ARHGAP26: variants seen among roughly 807,000 people sequenced by gnomAD.
ARHGAP26 encodes the protein Rho GTPase activating protein 26, also known as rho GTPase-activating protein 26.
A neutral mutation model predicts 104.8 loss-of-function variants in ARHGAP26; 38 were observed. That is an observed-to-expected ratio of 0.36 (90% CI 0.28 to 0.48). The LOEUF is 0.48. ARHGAP26 is among the 20% of genes least tolerant of loss of function. The probability of loss-of-function intolerance (pLI) is 0.99; values close to 1 mark genes in which losing one functional copy is unlikely to be tolerated. For synonymous variants in ARHGAP26, 341 were observed against 340.0 expected, an observed-to-expected ratio of 1.00 and a Z score of -0.03; for missense variants, 704 against 947.9, an observed-to-expected ratio of 0.74 and a Z score of 3.38.
At chr5:143,183,472 G>A (rs1336420896) in intron 20 of ARHGAP26, among the ~76,000 whole-genome samples, 2 of 152,200 alleles carry the variant, frequency 1.3e-5, no homozygotes, top group African/African-American at 2.4e-5. Context: ...TATTCTGGAA[G>A]AACACAAAGC....
At chr5:142,939,676 A>G (rs927367783) in intron 11 of ARHGAP26, among the ~76,000 whole-genome samples, 3 of 152,234 alleles carry the variant, frequency 2.0e-5, no homozygotes, top group Admixed American at 2.0e-4. Context: ...GGTGGTTAAG[A>G]ATGTGCACTC....
chr5:142,817,191 A>G (rs1304080335), intron 1 of ARHGAP26, among the ~76,000 whole-genome samples: 1 of 151,980 alleles, frequency 6.6e-6, no homozygotes, highest in Non-Finnish European at 1.5e-5. Context: ...GAAATCAGGA[A>G]CTCAGGCAGA....
intron 11 of ARHGAP26, among the ~76,000 whole-genome samples, chr5:142,941,316 A>G (rs1766316692): frequency 6.6e-6 from 1 of 152,034 alleles, no homozygotes; most frequent in African/African-American, 2.4e-5. Flanking sequence ...GACTGGTATG[A>G]GATGGTATCT....
At chr5:142,937,148 G>T (rs1765542841) in intron 11 of ARHGAP26, among the ~76,000 whole-genome samples, 1 of 152,036 alleles carries the variant, frequency 6.6e-6, no homozygotes, top group African/African-American at 2.4e-5. Context: ...TTTACATCTA[G>T]TTCTTTTTTA....
chr5:142,959,162 A>G (rs1769787138), intron 11 of ARHGAP26, among the ~76,000 whole-genome samples: 1 of 152,222 alleles, frequency 6.6e-6, no homozygotes, highest in Admixed American at 6.5e-5. Flanking sequence ...CCTTAATTTT[A>G]TGCTCCATTA....
At chr5:143,012,551 A>T (rs1230182134) in intron 11 of ARHGAP26, among the ~76,000 whole-genome samples, 1 of 60,626 alleles carries the variant, frequency 1.6e-5, no homozygotes, top group Non-Finnish European at 4.4e-5. Context: ...ATACATACAT[A>T]CATATATATA....
intron 17 of ARHGAP26, among the ~76,000 whole-genome samples, chr5:143,072,362 C>G (rs1788392422): frequency 6.6e-6 from 1 of 152,160 alleles, no homozygotes; most frequent in Non-Finnish European, 1.5e-5. Context: ...TCTTTAAAAA[C>G]TGAAAATACA....
chr5:142,938,531 A>G (rs901220043), intron 11 of ARHGAP26, among the ~76,000 whole-genome samples: 1 of 152,220 alleles, frequency 6.6e-6, no homozygotes, highest in East Asian at 1.9e-4. Context: ...TCCAATAACT[A>G]AAGTTGTCTC....
intron 11 of ARHGAP26, among the ~76,000 whole-genome samples, chr5:142,964,444 A>G (rs548512178): frequency 6.6e-6 from 1 of 152,304 alleles, no homozygotes; most frequent in African/African-American, 2.4e-5. Flanking sequence ...GGAAACCCTA[A>G]AAATAAGTTA....
At chr5:143,168,802 G>C (rs181433485) in intron 20 of ARHGAP26, 9 of 152,270 alleles carry the variant, frequency 5.9e-5, no homozygotes, top group Admixed American at 1.3e-4. Context: ...GGATTAATAA[G>C]GAGAGGATAT....
intron 11 of ARHGAP26, among the ~76,000 whole-genome samples, chr5:142,962,250 A>G (rs1312013047): frequency 1.3e-5 from 2 of 152,212 alleles, no homozygotes; most frequent in East Asian, 1.9e-4. Context: ...CAAATTTGAA[A>G]TTGTGCTTTC....
At chr5:143,107,352 A>C (rs905704569) in intron 17 of ARHGAP26, among the ~76,000 whole-genome samples, 1 of 152,190 alleles carries the variant, frequency 6.6e-6, no homozygotes, top group Non-Finnish European at 1.5e-5. Flanking sequence ...TCATCTCTGT[A>C]GATTTATATA....
intron 11 of ARHGAP26, among the ~76,000 whole-genome samples, chr5:142,988,509 T>C (rs1049174906): frequency 1.3e-5 from 2 of 152,180 alleles, no homozygotes; most frequent in Non-Finnish European, 2.9e-5. Flanking sequence ...GCTCTGATCT[T>C]AGTTATTTCT....
chr5:142,863,360 G>A (rs987271217), intron 1 of ARHGAP26, among the ~76,000 whole-genome samples: 9 of 152,116 alleles, frequency 5.9e-5, no homozygotes, highest in African/African-American at 2.2e-4. Flanking sequence ...GCCCACCTCG[G>A]CCTCCCAGAG....
intron 20 of ARHGAP26, among the ~76,000 whole-genome samples, chr5:143,178,990 C>T (rs1328976041): frequency 2.6e-5 from 4 of 152,098 alleles, no homozygotes; most frequent in Non-Finnish European, 5.9e-5. Context: ...CTGCTTCAGC[C>T]TCCCAAGTAG....
rs892112726 is a variant in ARHGAP26, at chr5:143,222,944, G to T, written c.*498G>T. 6.0e-5 allele frequency: 14 copies of T among 233,182 alleles called. No homozygotes were observed. The highest frequency in any genetic ancestry group is 1.1e-4 in the Non-Finnish European group (13 of 117,946). 14.4% of individuals were successfully genotyped at this position (233,182 alleles called of 1,614,324 possible). On this transcript the variant is annotated 3_prime_UTR_variant, in exon 23 of 23. Transcript: ENST00000645722. The stretch of plus-strand genomic sequence containing the variant: ...GTACTTGAGACTTAAAGTGCTACAG[G>T]CAGCTGGATCTGTTTGCATGCAGGA...
At chr5:142,913,575 T>C (rs971717246) in intron 10 of ARHGAP26, among the ~76,000 whole-genome samples, 10 of 152,192 alleles carry the variant, frequency 6.6e-5, no homozygotes, top group Admixed American at 2.0e-4. Context: ...ATATTAGTGC[T>C]TTCATGCTCA....
intron 11 of ARHGAP26, among the ~76,000 whole-genome samples, chr5:142,981,842 A>G (rs1773978981): frequency 6.6e-6 from 1 of 152,176 alleles, no homozygotes; most frequent in Non-Finnish European, 1.5e-5. Context: ...TTCAGCACCC[A>G]TTCCTTGCTT....
In ARHGAP26 at chr5:142,894,420, A is replaced by G. The variant is rs1759173153; in HGVS notation, c.597+72A>G. 4 of 1,393,986 alleles carry G rather than the reference A, an allele frequency of 2.9e-6. 1 individual carries two copies. The highest frequency in any genetic ancestry group is 2.4e-5 in the South Asian group (2 of 81,974). The allele number at this position is 1,393,986 out of a possible 1,614,324, so 86.4% of individuals were successfully genotyped here. A position where few individuals can be genotyped will look rare whatever the true frequency, so the allele number is the denominator to read the frequency against. ...TCATTCTAACTAGTAGTAGATTACA[A>G]AATGCTCTAAGTTGTTGATGAAGAG... On this transcript the variant is annotated intron_variant, in intron 6 of 22. Transcript: ENST00000645722.
Sources: gnomAD v4.1 joint callset for allele counts (sites outside exome capture counted in the v4.1 genomes callset) on GRCh38, gnomAD v4.1.1 for gene constraint, MANE v1.5 for transcripts, NCBI Gene and HGNC (gene_info 2026-07-23, HGNC 2026-07-21) for gene names.